The following KCTD1 variants were observed in gnomAD, a reference collection of about 807,000 sequenced individuals.
The protein encoded by KCTD1 is BTB/POZ domain-containing protein KCTD1.
KCTD1 carries 24 observed loss-of-function variants against 66.0 expected under a neutral mutation model. That is an observed-to-expected ratio of 0.36 (90% CI 0.26 to 0.51). The LOEUF is 0.51. Among genes scored for constraint, KCTD1 ranks in the 20% least tolerant of loss-of-function variants. The pLI, the probability that KCTD1 is intolerant of heterozygous loss-of-function variation, is 0.95. For missense variants in KCTD1, 943 were observed against 1,205.2 expected, an observed-to-expected ratio of 0.78 and a Z score of 3.22; for synonymous variants, 511 against 517.2, an observed-to-expected ratio of 0.99 and a Z score of 0.16.
At chr18:26,618,323 G>C (rs1010569545) in intron 1 of KCTD1, among the ~76,000 whole-genome samples, 44 of 152,182 alleles carry the variant, frequency 2.9e-4, no homozygotes, top group African/African-American at 1.0e-3. Flanking sequence ...TGGATTAGGA[G>C]ATGAATCAGC....
chr18:26,459,102 C>T (rs1310552401), intron 4 of KCTD1: 2 of 153,164 alleles, frequency 1.3e-5, no homozygotes, highest in Non-Finnish European at 1.5e-5. Flanking sequence ...CTCCCTGAGT[C>T]ACTTTCTTCA....
intron 1 of KCTD1, chr18:26,542,870 C>A (rs1985039161): frequency 6.6e-6 from 1 of 152,134 alleles, no homozygotes; most frequent in African/African-American, 2.4e-5. Flanking sequence ...TAAAATAATA[C>A]TCCTGAATAC....
chr18:26,597,286 G>A (rs1986788430), intron 1 of KCTD1, among the ~76,000 whole-genome samples: 1 of 152,048 alleles, frequency 6.6e-6, no homozygotes, highest in Non-Finnish European at 1.5e-5. Context: ...GCTGGGGCCT[G>A]AGCAAGGTGA....
At chr18:26,582,146 G>A (rs2144923877) in intron 1 of KCTD1, among the ~76,000 whole-genome samples, 1 of 151,466 alleles carries the variant, frequency 6.6e-6, no homozygotes, top group East Asian at 1.9e-4. Context: ...ATTGGTGCGT[G>A]CCTGTGGTCT....
intron 1 of KCTD1, among the ~76,000 whole-genome samples, chr18:26,582,754 T>A (rs1986383830): frequency 1.3e-5 from 2 of 151,704 alleles, no homozygotes; most frequent in Admixed American, 1.3e-4. Flanking sequence ...ATCTCCAACA[T>A]ACGTTAAGTA....
chr18:26,655,485 G>A lies in KCTD1; in HGVS notation c.9+1875C>T, dbSNP rs1598987275. On this transcript the variant is annotated intron_variant, in intron 1 of 4. Coordinates refer to the KCTD1 transcript ENST00000580191. ...ACACGCACACATACCGCATAGTCAA[G>A]GATTTGCTTGAAAGCAGCCAGTTCT... Among the ~76,000 whole-genome samples the A allele has an allele frequency of 2.0e-5, 3 of 152,200 alleles. No individual in the cohort carries two copies. In the South Asian group the frequency reaches 6.2e-4, roughly 32 times the overall value.
At chr18:26,600,063 T>G in intron 1 of KCTD1, 12 of 1,611,206 alleles carry the variant, frequency 7.4e-6, no homozygotes. Context: ...AGCTGCTGGA[T>G]CCAGAAGATT....
chr18:26,553,960 G>T (rs1985638596), intron 1 of KCTD1, among the ~76,000 whole-genome samples: 1 of 149,554 alleles, frequency 6.7e-6, no homozygotes, highest in African/African-American at 2.5e-5. Flanking sequence ...AAAGAATGAA[G>T]AGAGAAAGAG....
intron 1 of KCTD1, among the ~76,000 whole-genome samples, chr18:26,577,898 C>G (rs923051544): frequency 2.0e-5 from 3 of 151,864 alleles, no homozygotes; most frequent in Non-Finnish European, 4.4e-5. Flanking sequence ...TCTGATCACC[C>G]ATAAATACAA....
intron 1 of KCTD1, among the ~76,000 whole-genome samples, chr18:26,526,962 T>C (rs1228717461): frequency 6.6e-6 from 1 of 151,360 alleles, no homozygotes; most frequent in Non-Finnish European, 1.5e-5. Flanking sequence ...TTCTGTAAAA[T>C]GTAGTGATGC....
intron 1 of KCTD1, among the ~76,000 whole-genome samples, chr18:26,538,360 G>A (rs1984809291): frequency 6.6e-6 from 1 of 152,168 alleles, no homozygotes; most frequent in Non-Finnish European, 1.5e-5. Flanking sequence ...CACAGAACAT[G>A]CAAATCTTAA....
chr18:26,495,903 A>T (rs1171221118), intron 2 of KCTD1, among the ~76,000 whole-genome samples: 1 of 152,226 alleles, frequency 6.6e-6, no homozygotes, highest in Non-Finnish European at 1.5e-5. Flanking sequence ...CCATCAATAC[A>T]GCTGCTATTA....
chr18:26,491,398 A>C (rs1471487207), intron 2 of KCTD1, among the ~76,000 whole-genome samples: 3 of 152,174 alleles, frequency 2.0e-5, no homozygotes, highest in African/African-American at 4.8e-5. Flanking sequence ...CTTTCTCTTC[A>C]TAGGTACAAA....
At chr18:26,635,449 G>A (rs1050356737) in intron 1 of KCTD1, among the ~76,000 whole-genome samples, 7 of 152,198 alleles carry the variant, frequency 4.6e-5, no homozygotes, top group Admixed American at 3.3e-4. Context: ...GTGCTCCTGC[G>A]CGCTTGGCGT....
At chr18:26,646,687 T>C (rs906564443) in intron 1 of KCTD1, among the ~76,000 whole-genome samples, 2 of 152,214 alleles carry the variant, frequency 1.3e-5, no homozygotes, top group African/African-American at 2.4e-5. Flanking sequence ...AAATCTAAAA[T>C]GCATTTTGAC....
chr18:26,515,110 C>A (rs1278396436), intron 1 of KCTD1, among the ~76,000 whole-genome samples: 2 of 152,154 alleles, frequency 1.3e-5, no homozygotes, highest in African/African-American at 2.4e-5. Context: ...ACAAAACAAA[C>A]CAACTTTTAA....
At chr18:26,490,083 T>C (rs1046510087) in intron 2 of KCTD1, among the ~76,000 whole-genome samples, 11 of 152,152 alleles carry the variant, frequency 7.2e-5, no homozygotes, top group Non-Finnish European at 1.5e-4. Flanking sequence ...TCCCAAGCGA[T>C]GTGGATTGTG....
At chr18:26,603,302 C>A (rs1410793434) in intron 1 of KCTD1, among the ~76,000 whole-genome samples, 1 of 151,716 alleles carries the variant, frequency 6.6e-6, no homozygotes, top group Non-Finnish European at 1.5e-5. Context: ...CATGGTGGTA[C>A]ACGCCTCTAG....
At chr18:26,616,534 T>G (rs1467346770) in intron 1 of KCTD1, among the ~76,000 whole-genome samples, 1 of 151,492 alleles carries the variant, frequency 6.6e-6, no homozygotes, top group Non-Finnish European at 1.5e-5. Flanking sequence ...CATATATACA[T>G]AAAGAGACAG....
Sources: allele counts gnomAD v4.1 joint callset (sites outside exome capture counted in the v4.1 genomes callset), GRCh38; gene constraint gnomAD v4.1.1; transcripts MANE v1.5; gene names NCBI Gene and HGNC (gene_info 2026-07-23, HGNC 2026-07-21).